Variants in SYT16 observed in about 807,000 individuals in gnomAD.
SYT16 encodes synaptotagmin-16.
Under a neutral mutation model 61.4 loss-of-function variants are expected in SYT16, and 42 were observed. The ratio of observed to expected loss-of-function variants is 0.68; its 90% CI spans 0.53 to 0.89. SYT16 has a LOEUF of 0.89. Among genes scored for constraint, SYT16 ranks in the 40% least tolerant of loss-of-function variants. SYT16 has a pLI of 0.00. For missense variants in SYT16, 804 were observed against 807.3 expected (o/e 1.00, Z 0.05); for synonymous variants, 314 against 302.3 (o/e 1.04, Z -0.40).
chr14:62,050,935 G>A (rs2055252634), intron 3 of SYT16, among the ~76,000 whole-genome samples: 1 of 152,194 alleles, frequency 6.6e-6, no homozygotes, highest in Non-Finnish European at 1.5e-5. Context: ...CACTTGAGGA[G>A]GCAGTCTGTC....
chr14:62,082,539 G>C (rs145261268), intron 6 of SYT16, among the ~76,000 whole-genome samples: 1 of 152,156 alleles, frequency 6.6e-6, no homozygotes, highest in African/African-American at 2.4e-5. Flanking sequence ...GCTGCTCAGC[G>C]GTGGTCTTTC....
At chr14:62,061,476 G>C (rs1215933428) in intron 3 of SYT16, among the ~76,000 whole-genome samples, 1 of 151,970 alleles carries the variant, frequency 6.6e-6, no homozygotes, top group East Asian at 1.9e-4. Context: ...AAGAAAGCAA[G>C]ACCCAACTGT....
At chr14:61,969,492 A>G (rs2051455309) in intron 1 of SYT16, among the ~76,000 whole-genome samples, 3 of 152,202 alleles carry the variant, frequency 2.0e-5, no homozygotes, top group African/African-American at 7.2e-5. Context: ...AGGGGAAGGA[A>G]GAAATGGAAT....
At chr14:61,845,039 CTTTTTTTTTTTTT>C (rs35131511) in intron 1 of SYT16, among the ~76,000 whole-genome samples, 3 of 97,614 alleles carry the variant, frequency 3.1e-5, no homozygotes, top group Non-Finnish European at 3.9e-5. Flanking sequence ...TACTAGAAGA[CTTTTTTTTTTTTT>C]TTTTTTTTTT....
At chr14:61,916,739 C>A (rs1253237213) in intron 1 of SYT16, among the ~76,000 whole-genome samples, 1 of 152,138 alleles carries the variant, frequency 6.6e-6, no homozygotes, top group Non-Finnish European at 1.5e-5. Flanking sequence ...TATCTCCTCT[C>A]CCCTGATCCT....
chr14:61,938,862 C>G (rs183260637), intron 1 of SYT16, among the ~76,000 whole-genome samples: 1 of 152,116 alleles, frequency 6.6e-6, no homozygotes, highest in Non-Finnish European at 1.5e-5. Flanking sequence ...AGGCTGGGTG[C>G]GGTGGCTCAC....
intron 3 of SYT16, among the ~76,000 whole-genome samples, chr14:62,059,655 T>C (rs2055728001): frequency 7.2e-6 from 1 of 139,236 alleles, no homozygotes; most frequent in Non-Finnish European, 1.5e-5. Flanking sequence ...TTAATTTATA[T>C]ATATGTAATT....
At chr14:61,857,683 G>A (rs747685356) in intron 1 of SYT16, among the ~76,000 whole-genome samples, 1 of 152,162 alleles carries the variant, frequency 6.6e-6, no homozygotes, top group Non-Finnish European at 1.5e-5. Flanking sequence ...CATGTACAGT[G>A]ATAGGAATAA....
chr14:61,823,087 G>A (rs1300058673), intron 1 of SYT16, among the ~76,000 whole-genome samples: 2 of 152,060 alleles, frequency 1.3e-5, no homozygotes, highest in African/African-American at 4.8e-5. Flanking sequence ...CTGCCTCCTG[G>A]GTTCAAGTGA....
chr14:61,919,518 G>A (rs1355429856), intron 1 of SYT16, among the ~76,000 whole-genome samples: 4 of 152,228 alleles, frequency 2.6e-5, no homozygotes, highest in Admixed American at 2.0e-4. Flanking sequence ...GGCTTCTAGA[G>A]GCTGCCCACC....
chr14:61,873,494 C>T (rs2047394640), intron 1 of SYT16, among the ~76,000 whole-genome samples: 1 of 152,228 alleles, frequency 6.6e-6, no homozygotes, highest in Admixed American at 6.5e-5. Flanking sequence ...ACTGCCTATG[C>T]CCATTGGCCA....
At chr14:61,984,805 T>G (rs1030291502) in intron 2 of SYT16, among the ~76,000 whole-genome samples, 2 of 152,270 alleles carry the variant, frequency 1.3e-5, no homozygotes, top group Middle Eastern at 6.8e-3. Flanking sequence ...AGGTCACACA[T>G]GTATGTAGAA....
In SYT16 at chr14:61,995,984, G is replaced by T; in HGVS notation, c.-36G>T. ...TTCAATCCAGAGCACTGAAGGAACT[G>T]AACAACTGGACACTGTAGACATCAG... On this transcript the variant is annotated 5_prime_UTR_variant, in exon 3 of 8. Coordinates refer to ENST00000683842, the MANE Select transcript of SYT16 (RefSeq NM_001367656.1). 1 of 1,530,540 alleles carries T rather than the reference G, an allele frequency of 6.5e-7. No individual in the cohort carries two copies. The highest frequency in any genetic ancestry group is 1.3e-5 in the South Asian group (1 of 75,840). The allele number at this position is 1,530,540 out of a possible 1,614,324, so 94.8% of individuals were successfully genotyped here.
At chr14:61,832,946 T>C (rs1409072345) in intron 1 of SYT16, among the ~76,000 whole-genome samples, 4 of 152,248 alleles carry the variant, frequency 2.6e-5, no homozygotes, top group Non-Finnish European at 5.9e-5. Context: ...AATTCATCTA[T>C]TGTTTTCACT....
At chr14:61,837,654 A>G (rs2046173758) in intron 1 of SYT16, among the ~76,000 whole-genome samples, 1 of 152,148 alleles carries the variant, frequency 6.6e-6, no homozygotes, top group Admixed American at 6.5e-5. Context: ...TCCACCGCTC[A>G]GTGGAAAAGT....
At chr14:62,069,571 A>G in intron 3 of SYT16, 32 bp from the exon 4 acceptor site, 1 of 1,604,140 alleles carries the variant, frequency 6.2e-7, no homozygotes. Context: ...TATAGGCCAC[A>G]CAGGAGACTC....
At chr14:61,876,373 A>G (rs1419144854) in intron 1 of SYT16, among the ~76,000 whole-genome samples, 2 of 152,228 alleles carry the variant, frequency 1.3e-5, no homozygotes, top group Non-Finnish European at 1.5e-5. Context: ...ACCACATTTA[A>G]TGAAACCCTG....
chr14:61,825,807 T>C (rs990103567), intron 1 of SYT16, among the ~76,000 whole-genome samples: 1 of 152,184 alleles, frequency 6.6e-6, no homozygotes. Flanking sequence ...AAGCTACATA[T>C]ACATTTAAGA....
In SYT16 at chr14:62,003,085, C is replaced by A. The variant is rs183448368; in HGVS notation, c.523+6543C>A. Among the ~76,000 whole-genome samples the A allele has an allele frequency of 5.3e-5, 8 of 152,164 alleles. No individual in the cohort carries two copies. In the East Asian group the frequency reaches 1.6e-3, roughly 30 times the overall value. On this transcript the variant is annotated intron_variant, in intron 3 of 7. Coordinates refer to ENST00000683842, the MANE Select transcript of SYT16 (RefSeq NM_001367656.1). ...CCACATGTGGGGATTATGGGAACTG[C>A]AATTCAAGATGAGATTTGGGTGGGG...
Sources: allele counts gnomAD v4.1 joint callset (sites outside exome capture counted in the v4.1 genomes callset), GRCh38; gene constraint gnomAD v4.1.1; transcripts MANE v1.5; gene names NCBI Gene and HGNC (gene_info 2026-07-23, HGNC 2026-07-21).